Variants in PANK2 observed in about 807,000 individuals in gnomAD.
PANK2 encodes the protein pantothenate kinase 2, mitochondrial.
PANK2 carries 36 observed loss-of-function variants against 43.1 expected under a neutral mutation model. The observed-to-expected ratio is 0.84, with a 90% CI of 0.64 to 1.10. The LOEUF is 1.10. PANK2 is among the 50% of genes least tolerant of loss of function. PANK2 has a pLI of 0.00. For synonymous variants in PANK2, 281 were observed against 238.2 expected (o/e 1.18, Z -1.66); for missense variants, 576 against 593.3 (o/e 0.97, Z 0.30).
rs768552719 is a variant in PANK2 at position 3,918,739 on chromosome 20, A to G, written c.1275A>G (p.Ala425=). The G allele has an allele frequency of 1.2e-6, 2 of 1,614,210 alleles. No homozygotes were observed. The highest frequency in any genetic ancestry group is 1.7e-6 in the Non-Finnish European group (2 of 1,180,040). ...ATACGATCGCCATGCGGCTTTTGGCATATGCTTTGGATTATTGGTCCAAGG... is the reference window on the plus strand; with the variant it reads ...ATACGATCGCCATGCGGCTTTTGGCGTATGCTTTGGATTATTGGTCCAAGG... The change falls in exon 6 of 7, where the codon GCA becomes GCG. Residue 425 remains alanine, a synonymous_variant. Coordinates refer to ENST00000610179, the MANE Select transcript of PANK2 (RefSeq NM_001386393.1).
chr20:3,909,576 C>A (rs1222663728), intron 2 of PANK2, among the ~76,000 whole-genome samples: 1 of 151,854 alleles, frequency 6.6e-6, no homozygotes, highest in Non-Finnish European at 1.5e-5. Flanking sequence ...CACTTCAGAA[C>A]ATAAAGATCC....
At chr20:3,914,058 G>A (rs1476179114) in intron 4 of PANK2, among the ~76,000 whole-genome samples, 1 of 151,892 alleles carries the variant, frequency 6.6e-6, no homozygotes, top group Admixed American at 6.6e-5. Flanking sequence ...CAAAGTGCTG[G>A]GATTACAGGC....
chr20:3,914,765 A>G lies in PANK2; in HGVS notation c.1082+2131A>G, dbSNP rs556468584. ...AGGCACACCTGTAAATTATGCCAACATGCCTGGCTAATTTCTGTAATTTTA... is the reference window on the plus strand; with the variant it reads ...AGGCACACCTGTAAATTATGCCAACGTGCCTGGCTAATTTCTGTAATTTTA... On this transcript the variant is annotated intron_variant, in intron 4 of 6. Coordinates refer to ENST00000610179, the MANE Select transcript of PANK2 (RefSeq NM_001386393.1). 2.6e-5 allele frequency among the ~76,000 whole-genome samples: 4 copies of G among 151,904 alleles called. No individual in the cohort carries two copies. The South Asian group carries it at 8.3e-4, about 32-fold the overall frequency.
Position 3,924,568 on chromosome 20 carries a change from T to C in PANK2, c.*1274T>C, listed in dbSNP as rs1240322423. ...GGCCTTGGCACTTAGGAAATATGGG[T>C]GCTGCTGCATTGGGACCTTGTGTGG... is the stretch of plus-strand genomic sequence containing the variant. On this transcript the variant is annotated 3_prime_UTR_variant, in exon 7 of 7. Coordinates refer to ENST00000610179, the MANE Select transcript of PANK2 (RefSeq NM_001386393.1). 6.5e-6 allele frequency: 1 copy of C among 152,860 alleles called. No homozygotes were observed. The highest frequency in any genetic ancestry group is 6.5e-5 in the Admixed American group (1 of 15,294). 9.5% of individuals were successfully genotyped at this position (152,860 alleles called of 1,614,324 possible). A position where few individuals can be genotyped will look rare whatever the true frequency, so the allele number is the denominator to read the frequency against.
At position 3,923,364 on chromosome 20, in the gene PANK2, C is replaced by A; in HGVS notation, c.*70C>A. The A allele has an allele frequency of 6.7e-7, 1 of 1,497,968 alleles. No individual in the cohort carries two copies. Among genetic ancestry groups the A allele is most frequent in the Non-Finnish European group, 9.3e-7 (1 of 1,074,644 alleles). The allele number at this position is 1,497,968 out of a possible 1,614,324, so 92.8% of individuals were successfully genotyped here. A position where few individuals can be genotyped will look rare whatever the true frequency, so the allele number is the denominator to read the frequency against. On this transcript the variant is annotated 3_prime_UTR_variant, in exon 7 of 7. Coordinates refer to ENST00000610179, the MANE Select transcript of PANK2 (RefSeq NM_001386393.1). Reference sequence around the variant, plus strand: ...TGTGGACTTTCATTTTTTTAAGAGACTTACTCAATTTCATGACTGTACTAC... The same window carrying A: ...TGTGGACTTTCATTTTTTTAAGAGAATTACTCAATTTCATGACTGTACTAC...
In PANK2 at chr20:3,906,403, G is replaced by A. The variant is rs979105765; in HGVS notation, c.299-1523G>A. Reference sequence around the variant, plus strand: ...TGTGGCGTTGCATTCTAGCCTGGGTGACAGTGAGACCTTACCTCAAAAAAG... The same window carrying A: ...TGTGGCGTTGCATTCTAGCCTGGGTAACAGTGAGACCTTACCTCAAAAAAG... On this transcript the variant is annotated intron_variant, in intron 1 of 6. Transcript: ENST00000610179. Among the ~76,000 whole-genome samples, 10 of 152,204 alleles carry A rather than the reference G, an allele frequency of 6.6e-5. No individual in the cohort carries two copies. In the South Asian group the frequency reaches 8.3e-4, roughly 13 times the overall value.
chr20:3,897,517 A>G (rs532525660), intron 1 of PANK2, among the ~76,000 whole-genome samples: 3 of 152,042 alleles, frequency 2.0e-5, no homozygotes, highest in South Asian at 4.2e-4. Flanking sequence ...TCCGGGCAAC[A>G]TGGTGAAACC....
intron 6 of PANK2, among the ~76,000 whole-genome samples, chr20:3,922,512 CG>C (rs1359264203): frequency 1.3e-5 from 2 of 152,150 alleles, no homozygotes; most frequent in Non-Finnish European, 2.9e-5. Context: ...CCTCTCTTCA[CG>C]TTACCTTTGG....
intron 1 of PANK2, among the ~76,000 whole-genome samples, chr20:3,901,831 T>G (rs2090306715): frequency 1.3e-5 from 2 of 152,006 alleles, no homozygotes; most frequent in South Asian, 2.1e-4. Context: ...CTTGAAAGCT[T>G]ATTTGGTTGG....
At chr20:3,905,352 T>G (rs79167759) in intron 1 of PANK2, among the ~76,000 whole-genome samples, 2 of 135,960 alleles carry the variant, frequency 1.5e-5, no homozygotes, top group Non-Finnish European at 3.2e-5. Context: ...TGCTATCTCT[T>G]TTTTTTTTTT....
intron 1 of PANK2, among the ~76,000 whole-genome samples, chr20:3,897,529 C>T (rs2090229516): frequency 6.6e-6 from 1 of 151,472 alleles, no homozygotes; most frequent in African/African-American, 2.4e-5. Flanking sequence ...GGTGAAACCT[C>T]GTCTCTACAA....
At chr20:3,909,167 A>G (rs1223007671) in intron 2 of PANK2, among the ~76,000 whole-genome samples, 1 of 151,918 alleles carries the variant, frequency 6.6e-6, no homozygotes, top group Non-Finnish European at 1.5e-5. Flanking sequence ...CACAACCTCC[A>G]CCTCTCGGGT....
intron 4 of PANK2, among the ~76,000 whole-genome samples, chr20:3,915,589 C>G (rs2090547233): frequency 6.6e-6 from 1 of 152,244 alleles, no homozygotes; most frequent in Admixed American, 6.5e-5. Context: ...AGCCACCACG[C>G]CCGCCAGTTT....
At chr20:3,894,635 G>A (rs1489351555) in intron 1 of PANK2, among the ~76,000 whole-genome samples, 3 of 151,278 alleles carry the variant, frequency 2.0e-5, no homozygotes. Context: ...CTGGAGTGCA[G>A]TGGCAGGATT....
chr20:3,892,171 C>T (rs559629119), intron 1 of PANK2, among the ~76,000 whole-genome samples: 9 of 152,072 alleles, frequency 5.9e-5, no homozygotes, highest in East Asian at 3.9e-4. Flanking sequence ...GTTGAAACCC[C>T]GTCTCTACTA....
At chr20:3,894,301 C>T (rs945286137) in intron 1 of PANK2, among the ~76,000 whole-genome samples, 6 of 151,522 alleles carry the variant, frequency 4.0e-5, no homozygotes, top group South Asian at 2.1e-4. Flanking sequence ...AGTGCAATGG[C>T]GTGATCTCGG....
At position 3,905,344 on chromosome 20, in the gene PANK2, CTA is replaced by C. The variant is rs2090367441; in HGVS notation, c.299-2580_299-2579del. On this transcript the variant is annotated intron_variant, in intron 1 of 6. Transcript: ENST00000610179. The stretch of plus-strand genomic sequence containing the variant: ...CTCTGTAAACCTAGTTCTGCTGCTG[CTA>C]TCTCTTTTTTTTTTTTTTTTTTGAG... Among the ~76,000 whole-genome samples, 3 of 149,872 alleles carry C rather than the reference CTA, an allele frequency of 2.0e-5. No homozygotes were observed. In the South Asian group the frequency reaches 6.3e-4, roughly 31 times the overall value.
At chr20:3,904,993 T>C (rs186325714) in intron 1 of PANK2, among the ~76,000 whole-genome samples, 2 of 152,312 alleles carry the variant, frequency 1.3e-5, no homozygotes, top group Admixed American at 1.3e-4. Flanking sequence ...AATGTCTCCT[T>C]ATTTCTTCTG....
chr20:3,889,625 C>T lies in PANK2; in HGVS notation c.195C>T (p.Val65=), dbSNP rs928030649. The T allele has an allele frequency of 3.9e-6, 6 of 1,550,358 alleles. No individual in the cohort carries two copies. The African/African-American group carries it at 5.6e-5, about 14-fold the overall frequency. Residue 65 remains valine, a synonymous_variant, in exon 1 of 7, where the codon GTC becomes GTT. Transcript: ENST00000610179. ...CGAGCAGCGCGTCGGTGCCCGCGGT[C>T]GGGGCCTCGGCTGAGGGCACGAGGC...
Sources: gnomAD v4.1 joint callset for allele counts (sites outside exome capture counted in the v4.1 genomes callset) on GRCh38, gnomAD v4.1.1 for gene constraint, MANE v1.5 for transcripts, NCBI Gene and HGNC (gene_info 2026-07-23, HGNC 2026-07-21) for gene names.